Variants in KLHL2 observed in about 807,000 individuals in gnomAD.
The protein encoded by KLHL2 is kelch-like protein 2.
KLHL2 carries 15 observed loss-of-function variants against 75.8 expected under a neutral mutation model. The ratio of observed to expected loss-of-function variants is 0.20; its 90% CI spans 0.13 to 0.30. The LOEUF (loss-of-function observed/expected upper bound fraction) is 0.30, where lower values mean the gene tolerates loss of function less well. Among genes scored for constraint, KLHL2 ranks in the 10% least tolerant of loss-of-function variants. KLHL2 has a pLI of 1.00. For synonymous variants in KLHL2, 214 were observed against 251.9 expected (o/e 0.85, Z 1.42); for missense variants, 381 against 741.0 (o/e 0.51, Z 5.64).
chr4:165,307,698 G>A (rs1458437599), intron 9 of KLHL2, among the ~76,000 whole-genome samples: 1 of 152,076 alleles, frequency 6.6e-6, no homozygotes, highest in Non-Finnish European at 1.5e-5. Flanking sequence ...TGGTTAAATT[G>A]ACTTAGTATG....
intron 5 of KLHL2, chr4:165,278,309 A>G (rs754376123): frequency 1.7e-5 from 18 of 1,078,356 alleles, no homozygotes; most frequent in Admixed American, 1.0e-4. Context: ...GGGCTTCACT[A>G]CTGGAATATA....
Position 165,277,748 on chromosome 4 carries a change from A to AACACACACAC in KLHL2, c.544+14418_544+14427dup, listed in dbSNP as rs56079802. ...CCCAACCTTAACTGTGGATGTTAAA[A>AACACACACAC]ACACACACACACACACACACACACA... On this transcript the variant is annotated intron_variant, in intron 5 of 14. Coordinates refer to ENST00000226725, the MANE Select transcript of KLHL2 (RefSeq NM_007246.4). 9.0e-3 allele frequency: 4,804 copies of AACACACACAC among 533,824 alleles called. 7 individuals are homozygous for AACACACACAC. The highest frequency in any genetic ancestry group is 0.014 in the South Asian group (630 of 44,512). The allele number at this position is 533,824 out of a possible 1,614,324, so 33.1% of individuals were successfully genotyped here. A position where few individuals can be genotyped will look rare whatever the true frequency, so the allele number is the denominator to read the frequency against.
At chr4:165,229,004 T>C in intron 3 of KLHL2, 91 bp downstream of exon 3, 1 of 677,750 alleles carries the variant, frequency 1.5e-6, no homozygotes, top group South Asian at 2.0e-5. Context: ...GACATTTTAC[T>C]TTTATGAAAT....
rs906367023 is a variant in KLHL2 at position 165,267,810 on chromosome 4, T to A, written c.544+4451T>A. The stretch of plus-strand genomic sequence containing the variant: ...TTTCTCTGCCAGCCTTTGGTATCAG[T>A]ATGATGCTGGCCTCATAAATGAGTT... On this transcript the variant is annotated intron_variant, in intron 5 of 14. Coordinates refer to ENST00000226725, the MANE Select transcript of KLHL2 (RefSeq NM_007246.4). Among the ~76,000 whole-genome samples, 9 of 152,292 alleles carry A rather than the reference T, an allele frequency of 5.9e-5. No individual in the cohort carries two copies. In the South Asian group the frequency reaches 1.4e-3, roughly 25 times the overall value.
chr4:165,214,271 T>C (rs1196713337), intron 1 of KLHL2, among the ~76,000 whole-genome samples: 1 of 152,156 alleles, frequency 6.6e-6, no homozygotes, highest in Non-Finnish European at 1.5e-5. Flanking sequence ...ATAAAATAAA[T>C]GGAAATGTTT....
intron 3 of KLHL2, among the ~76,000 whole-genome samples, chr4:165,233,582 A>G (rs1009136189): frequency 6.6e-6 from 1 of 152,148 alleles, no homozygotes; most frequent in Non-Finnish European, 1.5e-5. Flanking sequence ...ATACATGGTT[A>G]TGTTTGTCTA....
At chr4:165,232,177 A>G (rs1362604682) in intron 3 of KLHL2, among the ~76,000 whole-genome samples, 2 of 152,086 alleles carry the variant, frequency 1.3e-5, no homozygotes, top group African/African-American at 4.8e-5. Context: ...GATAAAGGCC[A>G]CTTTGGGAAG....
intron 1 of KLHL2, among the ~76,000 whole-genome samples, chr4:165,218,516 C>G (rs1737720047): frequency 6.6e-6 from 1 of 152,148 alleles, no homozygotes; most frequent in Non-Finnish European, 1.5e-5. Flanking sequence ...CTCCACCGTC[C>G]CCACATTTCT....
At chr4:165,297,899 C>G (rs1318093368) in intron 7 of KLHL2, among the ~76,000 whole-genome samples, 174 bp downstream of exon 7, 2 of 152,190 alleles carry the variant, frequency 1.3e-5, no homozygotes, top group Non-Finnish European at 2.9e-5. Context: ...TCTCGGCTCT[C>G]CGCAACCTCC....
intron 6 of KLHL2, among the ~76,000 whole-genome samples, chr4:165,295,000 G>T (rs1387701544): frequency 3.3e-5 from 5 of 152,036 alleles, no homozygotes; most frequent in Non-Finnish European, 5.9e-5. Flanking sequence ...CTGCCAGTCC[G>T]TTCAGCCTGC....
intron 4 of KLHL2, among the ~76,000 whole-genome samples, chr4:165,243,578 TG>T (rs1739992489): frequency 6.6e-6 from 1 of 152,226 alleles, no homozygotes; most frequent in African/African-American, 2.4e-5. Flanking sequence ...AAAATTTAAA[TG>T]AGAGTTTTTC....
At chr4:165,259,802 A>G (rs1741495829) in intron 4 of KLHL2, among the ~76,000 whole-genome samples, 1 of 152,232 alleles carries the variant, frequency 6.6e-6, no homozygotes, top group African/African-American at 2.4e-5. Context: ...AGTAGACCAA[A>G]GAGCTGACCA....
intron 5 of KLHL2, among the ~76,000 whole-genome samples, chr4:165,287,250 A>G (rs1744162628): frequency 6.6e-6 from 1 of 152,140 alleles, no homozygotes; most frequent in African/African-American, 2.4e-5. Context: ...ATCATACAGT[A>G]TTTTTTTATT....
chr4:165,291,718 T>C (rs1744523620), intron 5 of KLHL2, among the ~76,000 whole-genome samples: 1 of 152,206 alleles, frequency 6.6e-6, no homozygotes, highest in African/African-American at 2.4e-5. Flanking sequence ...CCATGGGGTA[T>C]TGATTCTAGG....
chr4:165,254,095 G>A (rs779582604), intron 4 of KLHL2, among the ~76,000 whole-genome samples: 1 of 152,246 alleles, frequency 6.6e-6, no homozygotes, highest in Non-Finnish European at 1.5e-5. Flanking sequence ...GAAGTGTTCA[G>A]TAGTTCGTTC....
intron 5 of KLHL2, among the ~76,000 whole-genome samples, chr4:165,284,321 T>A (rs1169808389): frequency 6.6e-6 from 1 of 152,198 alleles, no homozygotes; most frequent in Non-Finnish European, 1.5e-5. Context: ...TGAATGCCTT[T>A]AACAGTACCC....
At chr4:165,293,174 A>G (rs761784758) in intron 5 of KLHL2, among the ~76,000 whole-genome samples, 4 of 152,182 alleles carry the variant, frequency 2.6e-5, no homozygotes, top group Admixed American at 6.5e-5. Context: ...GTTATTTTAC[A>G]AAAGATTCGT....
In KLHL2 at chr4:165,305,556, C is replaced by T; in HGVS notation, c.922-52C>T. On this transcript the variant is annotated intron_variant, in intron 8 of 14. Transcript: ENST00000226725. The stretch of plus-strand genomic sequence containing the variant: ...AGTGTCTTTGTAGGACATTTTAAAT[C>T]CTGAATATGTAATAGTCATTTGTTC... The T allele has an allele frequency of 6.4e-6, 9 of 1,400,310 alleles. No individual in the cohort carries two copies. In the South Asian group the frequency reaches 9.2e-5, roughly 14 times the overall value. The allele number at this position is 1,400,310 out of a possible 1,614,324, so 86.7% of individuals were successfully genotyped here. A position where few individuals can be genotyped will look rare whatever the true frequency, so the allele number is the denominator to read the frequency against.
At chr4:165,282,085 G>A (rs773108394) in intron 5 of KLHL2, among the ~76,000 whole-genome samples, 2 of 152,168 alleles carry the variant, frequency 1.3e-5, no homozygotes, top group African/African-American at 2.4e-5. Flanking sequence ...TGGTAATAGC[G>A]TTAGAACTAG....
Sources: allele counts gnomAD v4.1 joint callset (sites outside exome capture counted in the v4.1 genomes callset), GRCh38; gene constraint gnomAD v4.1.1; transcripts MANE v1.5; gene names NCBI Gene and HGNC (gene_info 2026-07-23, HGNC 2026-07-21).